STPG2: variants seen among roughly 807,000 people sequenced by gnomAD.
STPG2 encodes the protein sperm-tail PG-rich repeat-containing protein 2.
STPG2 carries 56 observed loss-of-function variants against 54.2 expected under a neutral mutation model. The ratio of observed to expected loss-of-function variants is 1.03; its 90% CI spans 0.83 to 1.29. STPG2 has a LOEUF of 1.29. Among genes scored for constraint, STPG2 ranks in the 50% most tolerant of loss-of-function variants. The pLI, the probability that STPG2 is intolerant of heterozygous loss-of-function variation, is 0.00. For synonymous variants in STPG2, 200 were observed against 181.8 expected (o/e 1.10, Z -0.81); for missense variants, 596 against 544.9 (o/e 1.09, Z -0.93).
intron 5 of STPG2, among the ~76,000 whole-genome samples, chr4:98,103,050 A>T (rs1739090802): frequency 6.6e-6 from 1 of 151,538 alleles, no homozygotes; most frequent in African/African-American, 2.4e-5. Flanking sequence ...ATACTCTCTC[A>T]ATACCTTTCA....
chr4:98,083,276 G>T (rs1738407621), intron 5 of STPG2, among the ~76,000 whole-genome samples: 1 of 152,108 alleles, frequency 6.6e-6, no homozygotes, highest in Non-Finnish European at 1.5e-5. Flanking sequence ...AAATTCTGAT[G>T]AAAAGATAAC....
chr4:98,039,783 AAT>A (rs1736892453), intron 5 of STPG2, among the ~76,000 whole-genome samples: 1 of 151,666 alleles, frequency 6.6e-6, no homozygotes, highest in Non-Finnish European at 1.5e-5. Flanking sequence ...TGCTGTGATA[AAT>A]ATATGTCAGG....
At chr4:97,470,883 C>T (rs1163011607) in intron 4 of STPG2, among the ~76,000 whole-genome samples, 1 of 152,090 alleles carries the variant, frequency 6.6e-6, no homozygotes, top group Non-Finnish European at 1.5e-5. Flanking sequence ...AGGCATTGCG[C>T]TGTAGCATTA....
intron 5 of STPG2, among the ~76,000 whole-genome samples, chr4:98,033,689 G>A (rs11941917): frequency 0.39 from 59,911 of 151,974 alleles, 12,037 homozygotes; most frequent in Middle Eastern, 0.46. Flanking sequence ...GAACATCGAT[G>A]CGAAAATCCT....
At chr4:97,665,160 C>G (rs7682405) in intron 10 of STPG2, among the ~76,000 whole-genome samples, 48 of 152,102 alleles carry the variant, frequency 3.2e-4, no homozygotes, top group African/African-American at 1.0e-3. Flanking sequence ...GGTCTGGGCT[C>G]CCCAAAGGTC....
chr4:97,643,157 A>C (rs2148947055), intron 10 of STPG2, among the ~76,000 whole-genome samples: 1 of 151,836 alleles, frequency 6.6e-6, no homozygotes, highest in East Asian at 1.9e-4. Context: ...ACTAGAATGT[A>C]ACCTCATGGA....
intron 9 of STPG2, among the ~76,000 whole-genome samples, chr4:97,751,253 C>A (rs1308051166): frequency 1.3e-5 from 2 of 151,752 alleles, no homozygotes; most frequent in Non-Finnish European, 2.9e-5. Context: ...GCCCCATTTC[C>A]CTTTTCCTTT....
At chr4:97,550,455 C>T (rs866850783) in intron 4 of STPG2, among the ~76,000 whole-genome samples, 35 of 151,896 alleles carry the variant, frequency 2.3e-4, no homozygotes, top group African/African-American at 6.5e-4. Context: ...AAAAAGGATA[C>T]GGGGAAGAGT....
intron 5 of STPG2, among the ~76,000 whole-genome samples, chr4:98,082,433 C>CTTTTTTTTTTTTTTT (rs70955915): frequency 1.4e-5 from 1 of 71,402 alleles, no homozygotes; most frequent in Non-Finnish European, 2.7e-5. Context: ...TGCAGGTCCA[C>CTTTTTTTTTTTTTTT]TTTTTTTTTT....
intron 5 of STPG2, among the ~76,000 whole-genome samples, chr4:98,019,721 G>A (rs1398862852): frequency 8.6e-5 from 11 of 127,608 alleles, no homozygotes; most frequent in Admixed American, 8.2e-4. Context: ...TCTCCTTGAA[G>A]AGGTCCTTCA....
chr4:97,495,559 AATAG>A (rs1420842814), intron 4 of STPG2, among the ~76,000 whole-genome samples: 1 of 151,434 alleles, frequency 6.6e-6, no homozygotes, highest in African/African-American at 2.4e-5. Context: ...GTTTGAAAAA[AATAG>A]ATCTCAAAAA....
intron 8 of STPG2, among the ~76,000 whole-genome samples, chr4:97,934,535 A>G (rs1732676366): frequency 6.6e-6 from 1 of 152,188 alleles, no homozygotes; most frequent in Non-Finnish European, 1.5e-5. Context: ...GATATGTTCC[A>G]TCAATACCTA....
chr4:97,461,162 T>C (rs1475507587), intron 4 of STPG2, among the ~76,000 whole-genome samples: 1 of 152,216 alleles, frequency 6.6e-6, no homozygotes, highest in African/African-American at 2.4e-5. Flanking sequence ...AAACTATTTA[T>C]ACATTTAGTT....
intron 9 of STPG2, among the ~76,000 whole-genome samples, chr4:97,793,370 TACACACACACACAC>T (rs3046530): frequency 8.1e-5 from 12 of 147,878 alleles, no homozygotes; most frequent in African/African-American, 1.2e-4. Context: ...GTTTTATATA[TACACACACACACAC>T]ACACACACAC....
chr4:97,964,686 T>C (rs1427419523), intron 7 of STPG2, among the ~76,000 whole-genome samples: 2 of 152,240 alleles, frequency 1.3e-5, no homozygotes, highest in African/African-American at 4.8e-5. Flanking sequence ...AATTCTTACC[T>C]TTAAATTGTT....
At chr4:97,793,781 G>T (rs1727082498) in intron 9 of STPG2, among the ~76,000 whole-genome samples, 3 of 151,994 alleles carry the variant, frequency 2.0e-5, no homozygotes, top group African/African-American at 7.2e-5. Flanking sequence ...TATTATGTGT[G>T]CATGTAGCAA....
intron 8 of STPG2, among the ~76,000 whole-genome samples, chr4:97,934,895 C>T (rs1021971338): frequency 1.3e-5 from 2 of 152,064 alleles, no homozygotes; most frequent in African/African-American, 4.8e-5. Flanking sequence ...AGAAGCCCCA[C>T]CTTTTCAGTT....
intron 5 of STPG2, chr4:98,025,678 G>A (rs554222084): frequency 1.3e-4 from 140 of 1,081,700 alleles, no homozygotes; most frequent in Middle Eastern, 5.9e-4. Flanking sequence ...ATGTTGCAGC[G>A]TATTGTACTG....
intron 8 of STPG2, among the ~76,000 whole-genome samples, chr4:97,900,288 G>A (rs901801735): frequency 1.3e-5 from 2 of 152,110 alleles, no homozygotes; most frequent in Admixed American, 1.3e-4. Flanking sequence ...TGCTGACAAG[G>A]TTGCAGAAAA....
Sources: allele counts gnomAD v4.1 joint callset (sites outside exome capture counted in the v4.1 genomes callset), GRCh38; gene constraint gnomAD v4.1.1; transcripts MANE v1.5; gene names NCBI Gene and HGNC (gene_info 2026-07-23, HGNC 2026-07-21).